The following TNR variants were observed in gnomAD, a reference collection of about 807,000 sequenced individuals.
TNR encodes tenascin R.
A neutral mutation model predicts 150.4 loss-of-function variants in TNR; 45 were observed. The observed-to-expected ratio is 0.30, with a 90% CI of 0.24 to 0.38. TNR has a LOEUF of 0.38. Ranked by LOEUF, TNR falls within the 10% of genes least tolerant of loss-of-function variation. The pLI, the probability that TNR is intolerant of heterozygous loss-of-function variation, is 1.00. For missense variants in TNR, 1,544 were observed against 1,759.1 expected (o/e 0.88, Z 2.19); for synonymous variants, 687 against 678.4 (o/e 1.01, Z -0.20).
rs922615465 is a variant in TNR, at chr1:175,620,890, G to A, written c.-164-92521C>T. Among the ~76,000 whole-genome samples, 17 of 152,224 alleles carry A rather than the reference G, an allele frequency of 1.1e-4. 1 individual carries two copies. Among genetic ancestry groups the A allele is most frequent in the African/African-American group, 3.6e-4 (15 of 41,552 alleles). On this transcript the variant is annotated intron_variant, in intron 1 of 22. Coordinates refer to ENST00000367674, the MANE Select transcript of TNR (RefSeq NM_003285.3). ...AAACTCCAACTTGCTTTATAAGCTCGGTTGTTCTGTTTAGTCTCATACTTA... is the reference window on the plus strand; with the variant it reads ...AAACTCCAACTTGCTTTATAAGCTCAGTTGTTCTGTTTAGTCTCATACTTA...
chr1:175,406,029 T>C (rs1246661211), intron 3 of TNR, among the ~76,000 whole-genome samples, 187 bp downstream of exon 3: 1 of 152,166 alleles, frequency 6.6e-6, no homozygotes, highest in Non-Finnish European at 1.5e-5. Flanking sequence ...ATTTAGATCT[T>C]AGAGACATAT....
intron 18 of TNR, among the ~76,000 whole-genome samples, chr1:175,347,424 T>C (rs1248484534): frequency 6.6e-6 from 1 of 152,114 alleles, no homozygotes; most frequent in East Asian, 1.9e-4. Flanking sequence ...TTGTTTGTTT[T>C]ATTATTTATT....
chr1:175,456,601 A>C lies in TNR; in HGVS notation c.-63-49824T>G, dbSNP rs1377521639. ...ATGAACAGTTCAGGCAGTTCAGCCT[A>C]AGTGTACTGAAGAATGTTTTGCATG... On this transcript the variant is annotated intron_variant, in intron 2 of 22. Coordinates refer to ENST00000367674, the MANE Select transcript of TNR (RefSeq NM_003285.3). 4.1e-5 allele frequency among the ~76,000 whole-genome samples: 6 copies of C among 148,026 alleles called. No homozygotes were observed. In the Admixed American group the frequency reaches 4.1e-4, roughly 10 times the overall value.
At chr1:175,417,917 TG>T (rs1354286392) in intron 2 of TNR, among the ~76,000 whole-genome samples, 1 of 152,204 alleles carries the variant, frequency 6.6e-6, no homozygotes, top group Non-Finnish European at 1.5e-5. Flanking sequence ...GAAGTGGCAA[TG>T]TATTAAAGTT....
At chr1:175,656,382 C>T (rs1665178595) in intron 1 of TNR, among the ~76,000 whole-genome samples, 1 of 152,128 alleles carries the variant, frequency 6.6e-6, no homozygotes, top group Non-Finnish European at 1.5e-5. Context: ...TTTTTCAGTT[C>T]CTACTGACCG....
At chr1:175,715,536 G>A (rs1667133016) in intron 1 of TNR, among the ~76,000 whole-genome samples, 1 of 152,116 alleles carries the variant, frequency 6.6e-6, no homozygotes, top group African/African-American at 2.4e-5. Flanking sequence ...TAAAGCTGAT[G>A]TGTTTCTGAT....
intron 1 of TNR, among the ~76,000 whole-genome samples, chr1:175,735,530 C>A (rs1343991036): frequency 6.6e-6 from 1 of 152,152 alleles, no homozygotes; most frequent in Non-Finnish European, 1.5e-5. Context: ...TGGCCACAAG[C>A]CTTACAATAC....
intron 1 of TNR, among the ~76,000 whole-genome samples, chr1:175,541,865 G>A (rs41521644): frequency 0.065 from 9,937 of 152,198 alleles, 516 homozygotes; most frequent in African/African-American, 0.14. Flanking sequence ...ATCACCACCA[G>A]TGTTAGTCTG....
chr1:175,458,060 ATTG>A (rs1656643031), intron 2 of TNR, among the ~76,000 whole-genome samples: 1 of 152,206 alleles, frequency 6.6e-6, no homozygotes, highest in African/African-American at 2.4e-5. Context: ...ACTTCACAGG[ATTG>A]TTGTGAAAAT....
At chr1:175,375,563 T>C (rs138709619) in intron 9 of TNR, among the ~76,000 whole-genome samples, 61 of 151,748 alleles carry the variant, frequency 4.0e-4, no homozygotes, top group African/African-American at 1.4e-3. Flanking sequence ...CAAGAGGGGG[T>C]ACTTGCTGCC....
chr1:175,585,033 T>C (rs1380099885), intron 1 of TNR, among the ~76,000 whole-genome samples: 1 of 152,214 alleles, frequency 6.6e-6, no homozygotes, highest in Non-Finnish European at 1.5e-5. Flanking sequence ...CTAAATAACG[T>C]TGTTAATAGC....
intron 1 of TNR, among the ~76,000 whole-genome samples, chr1:175,564,715 A>G (rs1269802923): frequency 1.3e-5 from 2 of 152,084 alleles, no homozygotes; most frequent in East Asian, 3.9e-4. Flanking sequence ...GCCACTCCTG[A>G]ACACACCTAC....
chr1:175,332,795 TGGTCTCTTC>T (rs1479546192), intron 20 of TNR, among the ~76,000 whole-genome samples: 4 of 152,334 alleles, frequency 2.6e-5, no homozygotes, highest in African/African-American at 9.6e-5. Flanking sequence ...TCCAGGAAGC[TGGTCTCTTC>T]CTTCTTTGAA....
At chr1:175,697,758 G>T (rs1487363008) in intron 1 of TNR, among the ~76,000 whole-genome samples, 1 of 152,200 alleles carries the variant, frequency 6.6e-6, no homozygotes, top group Admixed American at 6.5e-5. Flanking sequence ...CCATGGGCCC[G>T]ATTCAAGCCC....
intron 1 of TNR, among the ~76,000 whole-genome samples, chr1:175,650,786 C>G (rs1558054685): frequency 1.1e-4 from 15 of 136,446 alleles, no homozygotes; most frequent in East Asian, 2.1e-4. Flanking sequence ...CTCATTACTC[C>G]TCCTCCCCCA....
chr1:175,359,162 T>TTTTTTTTTTTTTTTTTTTTTG (rs1651472242), intron 15 of TNR, among the ~76,000 whole-genome samples: 1 of 141,432 alleles, frequency 7.1e-6, no homozygotes, highest in African/African-American at 2.6e-5. Context: ...TTTTTTTTTT[T>TTTTTTTTTTTTTTTTTTTTTG]TTAGATGGAG....
chr1:175,536,907 G>A (rs940658252), intron 1 of TNR, among the ~76,000 whole-genome samples: 1 of 152,196 alleles, frequency 6.6e-6, no homozygotes, highest in Non-Finnish European at 1.5e-5. Context: ...TCTTGGCCAA[G>A]TGGGCCCATT....
rs927084662 is a variant in TNR at position 175,386,381 on chromosome 1, A to T, written c.1508-80T>A. On this transcript the variant is annotated intron_variant, in intron 7 of 22. Transcript: ENST00000367674. ...GTGTCAGCTCTCTCTTTTCCTCCTT[A>T]TGGAAGTCTGGTGAGTCAGAGAGAG... 29 of 1,428,234 alleles carry T rather than the reference A, an allele frequency of 2.0e-5. No individual in the cohort carries two copies. The African/African-American group carries it at 4.2e-4, about 21-fold the overall frequency. 88.5% of individuals were successfully genotyped at this position (1,428,234 alleles called of 1,614,324 possible).
intron 1 of TNR, among the ~76,000 whole-genome samples, chr1:175,660,161 G>A (rs1665319412): frequency 6.6e-6 from 1 of 152,198 alleles, no homozygotes; most frequent in South Asian, 2.1e-4. Context: ...CATTGAACTA[G>A]CAAGAGGCTC....
Sources: gnomAD v4.1 joint callset for allele counts (sites outside exome capture counted in the v4.1 genomes callset) on GRCh38, gnomAD v4.1.1 for gene constraint, MANE v1.5 for transcripts, NCBI Gene and HGNC (gene_info 2026-07-23, HGNC 2026-07-21) for gene names.